The following BBS9 variants were observed in gnomAD, a reference collection of about 807,000 sequenced individuals.
BBS9 encodes the protein Bardet-Biedl syndrome 9, also known as protein PTHB1.
A neutral mutation model predicts 117.7 loss-of-function variants in BBS9; 89 were observed. The observed-to-expected ratio is 0.76, with a 90% CI of 0.64 to 0.90. The LOEUF (loss-of-function observed/expected upper bound fraction) is 0.90. BBS9 is among the 40% of genes least tolerant of loss of function. The pLI is 0.00. For synonymous variants in BBS9, 379 were observed against 370.9 expected, an observed-to-expected ratio of 1.02 and a Z score of -0.25; for missense variants, 982 against 1,042.2, an observed-to-expected ratio of 0.94 and a Z score of 0.80.
chr7:33,145,223 C>T (rs1216131790), intron 1 of BBS9, among the ~76,000 whole-genome samples: 3 of 152,114 alleles, frequency 2.0e-5, no homozygotes, highest in African/African-American at 4.8e-5. Flanking sequence ...GACTGCACTT[C>T]GTAGCTACCA....
chr7:33,372,611 TTTC>T (rs1412266919), intron 17 of BBS9, among the ~76,000 whole-genome samples: 11 of 152,196 alleles, frequency 7.2e-5, no homozygotes, highest in African/African-American at 2.4e-4. Context: ...GGCCTGTAGT[TTTC>T]TTCTTTTGTT....
At chr7:33,493,987 A>G (rs1292338874) in intron 19 of BBS9, among the ~76,000 whole-genome samples, 1 of 152,176 alleles carries the variant, frequency 6.6e-6, no homozygotes, top group Non-Finnish European at 1.5e-5. Context: ...TTTATTATGG[A>G]ATGAAAAAGT....
intron 19 of BBS9, chr7:33,390,703 A>G: frequency 2.8e-6 from 2 of 717,778 alleles, no homozygotes; most frequent in Non-Finnish European, 3.4e-6. Flanking sequence ...TTTCCCAAAG[A>G]AAATTATAAC....
At chr7:33,444,067 T>G (rs1469847935) in intron 19 of BBS9, among the ~76,000 whole-genome samples, 1 of 152,200 alleles carries the variant, frequency 6.6e-6, no homozygotes, top group Non-Finnish European at 1.5e-5. Flanking sequence ...TAGCCAGAAT[T>G]TCAACTTTGC....
chr7:33,558,104 AT>A (rs1405643995), intron 21 of BBS9, among the ~76,000 whole-genome samples: 5 of 152,194 alleles, frequency 3.3e-5, no homozygotes, highest in African/African-American at 4.8e-5. Flanking sequence ...ATCAAAAATT[AT>A]TTTATAAATC....
chr7:33,610,427 A>G (rs1182926493), downstream of BBS9, among the ~76,000 whole-genome samples: 1 of 152,034 alleles, frequency 6.6e-6, no homozygotes, highest in Admixed American at 6.6e-5. Flanking sequence ...TAAGGGTCCA[A>G]CTCCCACTTC....
chr7:33,251,515 A>AG lies in BBS9; in HGVS notation c.443-5716dup, dbSNP rs539088365. On this transcript the variant is annotated intron_variant, in intron 5 of 22. Coordinates refer to ENST00000242067, the MANE Select transcript of BBS9 (RefSeq NM_198428.3). Reference sequence around the variant, plus strand: ...GAAGCTAGCAAATGTTTGCTAGATGAGGGGGAGAAAAGTTAAAGGATCTTT... The same window carrying AG: ...GAAGCTAGCAAATGTTTGCTAGATGAGGGGGGAGAAAAGTTAAAGGATCTTT... Among the ~76,000 whole-genome samples the AG allele has an allele frequency of 2.6e-4, 40 of 152,278 alleles. 1 individual carries two copies. In the East Asian group the frequency reaches 6.6e-3, roughly 25 times the overall value.
intron 19 of BBS9, among the ~76,000 whole-genome samples, chr7:33,475,368 CTTG>C (rs1425873715): frequency 3.3e-5 from 5 of 152,140 alleles, no homozygotes; most frequent in Admixed American, 1.3e-4. Context: ...CAACTGGGGA[CTTG>C]TTAAAATACA....
intron 17 of BBS9, among the ~76,000 whole-genome samples, chr7:33,373,210 G>A (rs763229163): frequency 4.6e-5 from 7 of 151,846 alleles, no homozygotes; most frequent in African/African-American, 7.3e-5. Flanking sequence ...ACTGAGGAGC[G>A]TATTCTTAAA....
intron 21 of BBS9, among the ~76,000 whole-genome samples, chr7:33,600,751 A>G (rs1863671331): frequency 6.6e-6 from 1 of 152,020 alleles, no homozygotes; most frequent in Admixed American, 6.5e-5. Flanking sequence ...AGGGCTCACT[A>G]TGGCTAAGGC....
chr7:33,353,667 A>G (rs1047096782), intron 15 of BBS9, among the ~76,000 whole-genome samples: 4 of 152,066 alleles, frequency 2.6e-5, no homozygotes, highest in Non-Finnish European at 4.4e-5. Flanking sequence ...CATTTTAGAT[A>G]GCAATATTAA....
intron 21 of BBS9, among the ~76,000 whole-genome samples, chr7:33,589,020 T>C (rs1861431443): frequency 6.6e-6 from 1 of 152,110 alleles, no homozygotes; most frequent in African/African-American, 2.4e-5. Context: ...ACTTTACCTT[T>C]TAAAACGATC....
chr7:33,528,696 C>G (rs1850069291), intron 20 of BBS9, among the ~76,000 whole-genome samples: 1 of 152,110 alleles, frequency 6.6e-6, no homozygotes, highest in African/African-American at 2.4e-5. Flanking sequence ...TTTGTGGAGA[C>G]CTCACGTGTA....
intron 7 of BBS9, among the ~76,000 whole-genome samples, chr7:33,265,837 C>T (rs113890341): frequency 0.11 from 17,140 of 151,390 alleles, 1,142 homozygotes; most frequent in African/African-American, 0.18. Flanking sequence ...AGCAAGACTC[C>T]GTCTCAAAAT....
intron 19 of BBS9, among the ~76,000 whole-genome samples, chr7:33,407,480 A>G (rs9692541): frequency 0.17 from 25,994 of 151,436 alleles, 2,060 homozygotes; most frequent in South Asian, 0.2. Flanking sequence ...CTGGTGAGGA[A>G]CTGCATTCCT....
At chr7:33,384,741 A>AGAGAGAG (rs1563097808) in intron 18 of BBS9, among the ~76,000 whole-genome samples, 2 of 151,236 alleles carry the variant, frequency 1.3e-5, no homozygotes, top group African/African-American at 4.9e-5. Context: ...AGAGAGAGAG[A>AGAGAGAG]ATTACCAGTC....
intron 9 of BBS9, among the ~76,000 whole-genome samples, chr7:33,293,449 T>C (rs1434709518): frequency 2.6e-5 from 4 of 152,072 alleles, no homozygotes; most frequent in Non-Finnish European, 5.9e-5. Context: ...GGTCAAAGTA[T>C]GTATGGATTT....
At chr7:33,423,662 A>G (rs1194464667) in intron 19 of BBS9, among the ~76,000 whole-genome samples, 1 of 152,192 alleles carries the variant, frequency 6.6e-6, no homozygotes, top group Non-Finnish European at 1.5e-5. Context: ...AAGGCCTGGG[A>G]TCATTACTTT....
intron 21 of BBS9, among the ~76,000 whole-genome samples, chr7:33,600,250 G>C (rs1863587386): frequency 6.6e-6 from 1 of 152,186 alleles, no homozygotes; most frequent in Non-Finnish European, 1.5e-5. Context: ...TGTAGCAATT[G>C]AAAGGGCTTT....
Sources: allele counts gnomAD v4.1 joint callset (sites outside exome capture counted in the v4.1 genomes callset), GRCh38; gene constraint gnomAD v4.1.1; transcripts MANE v1.5; gene names NCBI Gene and HGNC (gene_info 2026-07-23, HGNC 2026-07-21).